The following EFCAB11 variants were observed in gnomAD, a reference collection of about 807,000 sequenced individuals.
The protein encoded by EFCAB11 is EF-hand calcium-binding domain-containing protein 11.
A neutral mutation model predicts 23.0 loss-of-function variants in EFCAB11; 14 were observed. The ratio of observed to expected loss-of-function variants is 0.61; its 90% CI spans 0.40 to 0.95. The LOEUF (loss-of-function observed/expected upper bound fraction) is 0.95. EFCAB11 is among the 40% of genes least tolerant of loss of function. EFCAB11 has a pLI of 0.00. For synonymous variants in EFCAB11, 65 were observed against 66.6 expected, an observed-to-expected ratio of 0.98 and a Z score of 0.11; for missense variants, 198 against 195.8, an observed-to-expected ratio of 1.01 and a Z score of -0.07.
At chr14:89,935,926 T>C (rs1890564434) in intron 3 of EFCAB11, among the ~76,000 whole-genome samples, 1 of 151,996 alleles carries the variant, frequency 6.6e-6, no homozygotes. Context: ...AAGAATCACC[T>C]GAACCCAGGA....
intron 4 of EFCAB11, among the ~76,000 whole-genome samples, chr14:89,931,964 A>T (rs960308045): frequency 1.3e-5 from 2 of 152,218 alleles, no homozygotes; most frequent in African/African-American, 2.4e-5. Flanking sequence ...AGTTGCCAAA[A>T]CAATGCAGTC....
chr14:89,933,171 T>TAC (rs1890456279), intron 3 of EFCAB11, among the ~76,000 whole-genome samples: 1 of 152,190 alleles, frequency 6.6e-6, no homozygotes, highest in Non-Finnish European at 1.5e-5. Context: ...CAGCCCTGGA[T>TAC]ACGCCCCACA....
chr14:89,810,013 T>C (rs1886100024), intron 5 of EFCAB11, among the ~76,000 whole-genome samples: 1 of 152,230 alleles, frequency 6.6e-6, no homozygotes, highest in African/African-American at 2.4e-5. Flanking sequence ...GTACACACTA[T>C]GGTGAAGGAA....
intron 5 of EFCAB11, among the ~76,000 whole-genome samples, chr14:89,857,400 T>C (rs1460563893): frequency 1.3e-5 from 2 of 152,196 alleles, no homozygotes; most frequent in Non-Finnish European, 2.9e-5. Flanking sequence ...GAAAACTTAC[T>C]TGAAATGAGG....
chr14:89,799,241 C>A (rs1336178588), intron 5 of EFCAB11: 1 of 152,182 alleles, frequency 6.6e-6, no homozygotes, highest in Non-Finnish European at 1.5e-5. Flanking sequence ...GGCAGGGCAT[C>A]ATCATTTTAA....
At chr14:89,850,982 C>G (rs1264843895) in intron 5 of EFCAB11, among the ~76,000 whole-genome samples, 2 of 152,158 alleles carry the variant, frequency 1.3e-5, no homozygotes, top group Admixed American at 1.3e-4. Context: ...AGCCTAGGCC[C>G]AGGCTGAACA....
rs147064213 is a variant in EFCAB11, at chr14:89,820,302, T to C, written c.411-22978A>G. Among the ~76,000 whole-genome samples the C allele has an allele frequency of 1.9e-3, 284 of 152,204 alleles. 3 individuals carry two copies. The highest frequency in any genetic ancestry group is 6.5e-3 in the African/African-American group (269 of 41,528). Reference sequence around the variant, plus strand: ...CTTTCTAAAGCTCTCTCCAAAGGAGTTGGGAAGTCCTGCCACCAAAGAGAC... The same window carrying C: ...CTTTCTAAAGCTCTCTCCAAAGGAGCTGGGAAGTCCTGCCACCAAAGAGAC... On this transcript the variant is annotated intron_variant, in intron 5 of 5. Transcript: ENST00000316738.
At chr14:89,868,755 A>G (rs1888176419) in intron 5 of EFCAB11, among the ~76,000 whole-genome samples, 1 of 152,214 alleles carries the variant, frequency 6.6e-6, no homozygotes, top group East Asian at 1.9e-4. Context: ...TTCATATTTT[A>G]CCTTTGAAGC....
intron 5 of EFCAB11, chr14:89,892,214 G>A (rs1888993994): frequency 6.2e-7 from 1 of 1,602,370 alleles, no homozygotes. Flanking sequence ...CTCAGCCCAG[G>A]AGGCCGAGGA....
intron 1 of EFCAB11, 88 bp from the exon 2 acceptor site, chr14:89,954,089 C>A: frequency 8.4e-7 from 1 of 1,184,212 alleles, no homozygotes; most frequent in Non-Finnish European, 1.2e-6. Context: ...CCTCGAAAAT[C>A]TAAAACTTGG....
In EFCAB11 at chr14:89,821,732, C is replaced by G. The variant is rs537679063; in HGVS notation, c.411-24408G>C. 2.0e-5 allele frequency among the ~76,000 whole-genome samples: 3 copies of G among 152,314 alleles called. No individual in the cohort carries two copies. The South Asian group carries it at 6.2e-4, about 32-fold the overall frequency. On this transcript the variant is annotated intron_variant, in intron 5 of 5. Coordinates refer to ENST00000316738, the MANE Select transcript of EFCAB11 (RefSeq NM_145231.4). ...GGTGCGGGAGAGGGAAACTTGAAAA[C>G]AGAGAACCTAACCTATTTCACACCA...
At chr14:89,833,424 C>T (rs61998705) in intron 5 of EFCAB11, among the ~76,000 whole-genome samples, 2,759 of 152,326 alleles carry the variant, frequency 0.018, 46 homozygotes, top group Non-Finnish European at 0.027. Context: ...ATAATATCCA[C>T]TCTAAGATTT....
At chr14:89,823,144 A>G (rs904034815) in intron 5 of EFCAB11, among the ~76,000 whole-genome samples, 13 of 152,164 alleles carry the variant, frequency 8.5e-5, no homozygotes, top group Non-Finnish European at 1.6e-4. Flanking sequence ...GTAGTAAAAG[A>G]GGAGGTCGAA....
At chr14:89,953,585 G>A (rs1302074857) in intron 2 of EFCAB11, among the ~76,000 whole-genome samples, 2 of 152,192 alleles carry the variant, frequency 1.3e-5, no homozygotes, top group Non-Finnish European at 2.9e-5. Flanking sequence ...AAGAGACTAT[G>A]TCATGTCCTA....
chr14:89,805,553 C>T (rs1885939598), intron 5 of EFCAB11, among the ~76,000 whole-genome samples: 1 of 152,204 alleles, frequency 6.6e-6, no homozygotes, highest in Middle Eastern at 3.2e-3. Context: ...CAGTTCTATG[C>T]TCCAATGGTA....
intron 3 of EFCAB11, among the ~76,000 whole-genome samples, chr14:89,944,404 A>G (rs1890894930): frequency 6.6e-6 from 1 of 152,216 alleles, no homozygotes. Flanking sequence ...TGGGAGTTAC[A>G]AAATGAGATT....
chr14:89,937,454 T>C (rs1361101412), intron 3 of EFCAB11, among the ~76,000 whole-genome samples: 1 of 152,200 alleles, frequency 6.6e-6, no homozygotes, highest in Non-Finnish European at 1.5e-5. Flanking sequence ...TGCATTTTTT[T>C]GTACAACTGG....
At chr14:89,883,366 T>A (rs961157940) in intron 5 of EFCAB11, among the ~76,000 whole-genome samples, 2 of 152,314 alleles carry the variant, frequency 1.3e-5, no homozygotes, top group Non-Finnish European at 2.9e-5. Flanking sequence ...ATAAATATAG[T>A]CATCGCTTGG....
At chr14:89,817,649 G>A (rs1288754273) in intron 5 of EFCAB11, among the ~76,000 whole-genome samples, 1 of 152,094 alleles carries the variant, frequency 6.6e-6, no homozygotes, top group Non-Finnish European at 1.5e-5. Context: ...ATTTATCCCA[G>A]GTAGGTATTT....
Sources: gnomAD v4.1 joint callset for allele counts (sites outside exome capture counted in the v4.1 genomes callset) on GRCh38, gnomAD v4.1.1 for gene constraint, MANE v1.5 for transcripts, NCBI Gene and HGNC (gene_info 2026-07-23, HGNC 2026-07-21) for gene names.